The following SETD9 variants were observed in gnomAD, a reference collection of about 807,000 sequenced individuals.
The protein encoded by SETD9 is SET domain containing 9.
In SETD9, 37 loss-of-function variants were observed where a neutral mutation model predicts 36.4. The observed-to-expected ratio is 1.02, with a 90% CI of 0.78 to 1.34. SETD9 has a LOEUF of 1.34. SETD9 is among the 40% of genes most tolerant of loss of function. SETD9 has a pLI of 0.00. For synonymous variants in SETD9, 128 were observed against 132.9 expected, an observed-to-expected ratio of 0.96 and a Z score of 0.26; for missense variants, 323 against 353.2, an observed-to-expected ratio of 0.91 and a Z score of 0.69.
At chr5:56,922,548 G>C (rs1436640768) in intron 5 of SETD9, 1 of 153,464 alleles carries the variant, frequency 6.5e-6, no homozygotes, top group African/African-American at 2.4e-5. Context: ...TAACATGAGA[G>C]AAGTTTCCAT....
intron 1 of SETD9, 99 bp downstream of exon 1, chr5:56,909,842 C>G (rs946254581): frequency 3.8e-5 from 30 of 795,844 alleles, no homozygotes; most frequent in South Asian, 8.3e-5. Context: ...GGCTGACTGC[C>G]GGCCTGAGAT....
At chr5:56,923,671 CAGAA>C in intron 5 of SETD9, 1 of 1,614,086 alleles carries the variant, frequency 6.2e-7, no homozygotes, top group Non-Finnish European at 8.5e-7. Context: ...GTACTAAATG[CAGAA>C]AGGTCTTCAT....
At chr5:56,912,973 A>T (rs771484522) in intron 2 of SETD9, 38 bp from the exon 3 acceptor site, 4 of 1,597,734 alleles carry the variant, frequency 2.5e-6, no homozygotes, top group South Asian at 2.2e-5. Context: ...ATGATTTTTC[A>T]TGTTGTTATC....
chr5:56,909,522 A>G, upstream of SETD9: 1 of 644,566 alleles, frequency 1.6e-6, no homozygotes. Flanking sequence ...GGTGCCAGGA[A>G]CACTGAGAGC....
chr5:56,914,514 C>T (rs115316953), intron 4 of SETD9, among the ~76,000 whole-genome samples: 1 of 151,942 alleles, frequency 6.6e-6, no homozygotes, highest in African/African-American at 2.4e-5. Context: ...CCTCTATTTC[C>T]TGATATATAA....
chr5:56,910,068 G>C, intron 1 of SETD9: 1 of 1,274,630 alleles, frequency 7.8e-7, no homozygotes, highest in African/African-American at 1.6e-5. Context: ...CCGCGAGGCC[G>C]AGCTCGCCAG....
At chr5:56,920,242 A>C (rs1318021096), downstream of SETD9, 1 of 152,600 alleles carries the variant, frequency 6.6e-6, no homozygotes, top group East Asian at 1.9e-4. Flanking sequence ...TGACCATGAC[A>C]AGAGGAAAAC....
downstream of SETD9, chr5:56,928,465 C>T (rs963215228): frequency 2.6e-5 from 5 of 195,016 alleles, no homozygotes; most frequent in African/African-American, 1.2e-4. Context: ...AGGCCACAAA[C>T]CTCTGAATGG....
chr5:56,923,238 C>T lies in SETD9; in HGVS notation c.813-2095C>T. On this transcript the variant is annotated intron_variant, in intron 5 of 5. Coordinates refer to the SETD9 transcript ENST00000628593. ...TCAGCCACAGAAACAGCCATTTTGG[C>T]ACTGGTGATGTGATGTGTGTGATTT... 1.9e-6 allele frequency: 3 copies of T among 1,614,068 alleles called. No individual in the cohort carries two copies. The South Asian group carries it at 3.3e-5, about 18-fold the overall frequency.
At chr5:56,928,168 T>C (rs912682102), downstream of SETD9, 3 of 152,258 alleles carry the variant, frequency 2.0e-5, no homozygotes, top group African/African-American at 7.2e-5. Context: ...AAAGCTGCTA[T>C]AAACACTTTT....
At chr5:56,919,126 CTTTTTT>C (rs34426416), downstream of SETD9, among the ~76,000 whole-genome samples, 1 of 132,566 alleles carries the variant, frequency 7.5e-6, no homozygotes, top group African/African-American at 2.8e-5. Flanking sequence ...TTTGGGACTT[CTTTTTT>C]TTTTTTTTTT....
rs190971099 is a variant in SETD9, at chr5:56,924,577, A to G, written c.813-756A>G. ...CCCTTGGCAAATGGACCAACGGTCTACAGCATCTGGAATTTAAGATGACTT... is the reference window on the plus strand; with the variant it reads ...CCCTTGGCAAATGGACCAACGGTCTGCAGCATCTGGAATTTAAGATGACTT... On this transcript the variant is annotated intron_variant, in intron 5 of 5. Coordinates refer to the SETD9 transcript ENST00000628593. 1.6e-4 allele frequency among the ~76,000 whole-genome samples: 24 copies of G among 152,366 alleles called. No individual in the cohort carries two copies. The East Asian group carries it at 4.4e-3, about 28-fold the overall frequency.
At position 56,909,635 on chromosome 5, in the gene SETD9, G is replaced by C. The variant is rs375701430; in HGVS notation, c.-11G>C. The C allele has an allele frequency of 6.3e-7, 1 of 1,599,848 alleles. No individual in the cohort carries two copies. Among genetic ancestry groups the C allele is most frequent in the Non-Finnish European group, 8.5e-7 (1 of 1,174,632 alleles). On this transcript the variant is annotated 5_prime_UTR_variant, in exon 1 of 6. Transcript: ENST00000285947. ...CCCGCGCCGTCCTGGTCACGGCCCC[G>C]CGGGGCAGCCATGCCTGGCCGTCTG...
exon 6 of SETD9, chr5:56,925,342 C>T (rs1434156247): frequency 4.4e-6 from 2 of 454,672 alleles, no homozygotes; most frequent in African/African-American, 4.0e-5. Context: ...GGTGACATGA[C>T]TGTCTACGTA....
chr5:56,922,957 G>A (rs943619660), intron 5 of SETD9: 1 of 618,340 alleles, frequency 1.6e-6, no homozygotes, highest in Non-Finnish European at 2.8e-6. Flanking sequence ...CACATTTATG[G>A]ATTGAAAAAT....
downstream of SETD9, among the ~76,000 whole-genome samples, chr5:56,919,436 T>C (rs934787286): frequency 6.6e-6 from 1 of 152,122 alleles, no homozygotes; most frequent in Non-Finnish European, 1.5e-5. Flanking sequence ...TTATAGAGGA[T>C]TTAAGGAAAA....
chr5:56,927,326 T>TAAC (rs576099380), downstream of SETD9, among the ~76,000 whole-genome samples: 22 of 152,230 alleles, frequency 1.4e-4, no homozygotes, highest in Admixed American at 1.3e-4. Context: ...GATATAATAA[T>TAAC]AACTATAGGA....
chr5:56,927,218 G>A (rs1750033768), downstream of SETD9, among the ~76,000 whole-genome samples: 1 of 152,126 alleles, frequency 6.6e-6, no homozygotes. Flanking sequence ...ACAACATGAA[G>A]AGCGAACCTT....
chr5:56,910,083 A>G (rs1217265232), intron 1 of SETD9: 4 of 1,255,372 alleles, frequency 3.2e-6, no homozygotes, highest in African/African-American at 3.1e-5. Context: ...CGCCAGCCGG[A>G]TGTGTCGCCT....
Sources: allele counts gnomAD v4.1 joint callset (sites outside exome capture counted in the v4.1 genomes callset), GRCh38; gene constraint gnomAD v4.1.1; transcripts MANE v1.5; gene names NCBI Gene and HGNC (gene_info 2026-07-23, HGNC 2026-07-21).